Variants in PACS1 observed in about 807,000 individuals in gnomAD.
PACS1 encodes phosphofurin acidic cluster sorting protein 1.
A neutral mutation model predicts 115.0 loss-of-function variants in PACS1; 24 were observed. The observed-to-expected ratio is 0.21, with a 90% CI of 0.15 to 0.29. PACS1 has a LOEUF of 0.29. Ranked by LOEUF, PACS1 falls within the 10% of genes least tolerant of loss-of-function variation. PACS1 has a pLI of 1.00. For synonymous variants in PACS1, 453 were observed against 504.5 expected (o/e 0.90, Z 1.37); for missense variants, 838 against 1,251.2 (o/e 0.67, Z 4.98).
chr11:66,142,878 C>A (rs1859029462), intron 1 of PACS1, among the ~76,000 whole-genome samples: 1 of 151,336 alleles, frequency 6.6e-6, no homozygotes, highest in Non-Finnish European at 1.5e-5. Flanking sequence ...ACATTGTCCC[C>A]TTACTTGTTA....
chr11:66,128,009 A>G (rs1858619260), intron 1 of PACS1, among the ~76,000 whole-genome samples: 1 of 152,202 alleles, frequency 6.6e-6, no homozygotes, highest in African/African-American at 2.4e-5. Context: ...TGGGGATAGA[A>G]TCAGCAAATT....
chr11:66,190,839 G>C (rs1277000626), intron 1 of PACS1, among the ~76,000 whole-genome samples: 1 of 152,156 alleles, frequency 6.6e-6, no homozygotes, highest in African/African-American at 2.4e-5. Flanking sequence ...CATGAACCCA[G>C]ATGGCTCCAG....
At chr11:66,237,943 C>A (rs1297084397) in intron 19 of PACS1, 1 of 392,212 alleles carries the variant, frequency 2.5e-6, no homozygotes, top group South Asian at 1.1e-4. Flanking sequence ...CAGGCCTGTG[C>A]GGTAGATTTC....
At chr11:66,167,136 A>T (rs953741817) in intron 1 of PACS1, among the ~76,000 whole-genome samples, 5 of 150,116 alleles carry the variant, frequency 3.3e-5, no homozygotes, top group African/African-American at 5.1e-5. Flanking sequence ...CATTTCCCCG[A>T]TTCCTAATGA....
intron 1 of PACS1, among the ~76,000 whole-genome samples, chr11:66,114,739 A>G (rs1013337138): frequency 3.3e-5 from 5 of 152,200 alleles, no homozygotes; most frequent in African/African-American, 1.2e-4. Context: ...ACTTTGTTTC[A>G]GAAGAAAAAG....
chr11:66,076,459 G>A (rs1326274639), intron 1 of PACS1, among the ~76,000 whole-genome samples: 1 of 151,862 alleles, frequency 6.6e-6, no homozygotes, highest in South Asian at 2.1e-4. Flanking sequence ...GGAGTGCAAT[G>A]GTGCGATCTC....
intron 1 of PACS1, among the ~76,000 whole-genome samples, chr11:66,158,083 C>T (rs927238365): frequency 5.3e-5 from 8 of 152,198 alleles, no homozygotes; most frequent in African/African-American, 1.4e-4. Flanking sequence ...CTTCTCACCT[C>T]AGCCTCCCGA....
intron 1 of PACS1, among the ~76,000 whole-genome samples, chr11:66,171,523 CTTCT>C (rs1429374239): frequency 6.7e-6 from 1 of 149,604 alleles, no homozygotes; most frequent in Non-Finnish European, 1.5e-5. Context: ...ACTCTTTAGC[CTTCT>C]TTGTCTCCTT....
At chr11:66,177,674 G>A (rs1311567536) in intron 1 of PACS1, among the ~76,000 whole-genome samples, 5 of 151,918 alleles carry the variant, frequency 3.3e-5, no homozygotes, top group Admixed American at 2.0e-4. Flanking sequence ...GTAATGGTGC[G>A]ATCATAGCTC....
intron 1 of PACS1, among the ~76,000 whole-genome samples, chr11:66,153,208 A>G (rs1024956396): frequency 6.6e-6 from 1 of 152,146 alleles, no homozygotes; most frequent in African/African-American, 2.4e-5. Context: ...ATGGTGCACT[A>G]TAGCCTTGAA....
At chr11:66,151,656 A>G (rs1054574616) in intron 1 of PACS1, among the ~76,000 whole-genome samples, 7 of 152,246 alleles carry the variant, frequency 4.6e-5, no homozygotes, top group South Asian at 4.1e-4. Context: ...CAGAGTTGCT[A>G]TAACATCTTA....
intron 1 of PACS1, among the ~76,000 whole-genome samples, chr11:66,172,974 CAAA>C (rs10684950): frequency 2.3e-5 from 2 of 88,340 alleles, no homozygotes. Flanking sequence ...GACTCTGTCT[CAAA>C]AAAAAAAAAA....
intron 21 of PACS1, 149 bp downstream of exon 21, chr11:66,239,426 A>T: frequency 1.1e-6 from 1 of 950,772 alleles, no homozygotes; most frequent in Non-Finnish European, 1.5e-6. Context: ...AGGCTGAGGC[A>T]GGAGGATTGC....
chr11:66,073,636 C>A (rs947379865), intron 1 of PACS1, among the ~76,000 whole-genome samples: 25 of 152,190 alleles, frequency 1.6e-4, no homozygotes, highest in African/African-American at 5.5e-4. Context: ...TATTTAACAT[C>A]TGTTAAATTC....
At chr11:66,082,586 G>A (rs1339782096) in intron 1 of PACS1, among the ~76,000 whole-genome samples, 1 of 152,222 alleles carries the variant, frequency 6.6e-6, no homozygotes, top group African/African-American at 2.4e-5. Flanking sequence ...ATCAGGCCGG[G>A]CGCTGTGGCT....
At position 66,221,396 on chromosome 11, in the gene PACS1, C is replaced by T. The variant is rs1226577620; in HGVS notation, c.1293+149C>T. ...GGCATGGTGGATCACAACTGTAATC[C>T]TGGCACTTTGGGAGGTGGAGTCGGG... On this transcript the variant is annotated intron_variant, in intron 10 of 23. Transcript: ENST00000320580. 1.0e-5 allele frequency: 7 copies of T among 679,590 alleles called. No homozygotes were observed. In the African/African-American group the frequency reaches 1.1e-4, roughly 10 times the overall value. The allele number at this position is 679,590 out of a possible 1,614,324, so 42.1% of individuals were successfully genotyped here.
chr11:66,214,625 T>C (rs1258289866), intron 4 of PACS1, among the ~76,000 whole-genome samples: 1 of 140,582 alleles, frequency 7.1e-6, no homozygotes. Context: ...CTTTTCTTTT[T>C]TTTTTTTTTT....
intron 2 of PACS1, among the ~76,000 whole-genome samples, chr11:66,209,723 T>TA (rs1490649651): frequency 6.6e-6 from 1 of 151,934 alleles, no homozygotes; most frequent in Non-Finnish European, 1.5e-5. Context: ...CAGCACATGG[T>TA]GAAACCCTGT....
chr11:66,138,169 G>A (rs1345579441), intron 1 of PACS1, among the ~76,000 whole-genome samples: 1 of 151,950 alleles, frequency 6.6e-6, no homozygotes, highest in African/African-American at 2.4e-5. Flanking sequence ...ATGGCTCACT[G>A]CAGCCTCAAA....
Sources: allele counts gnomAD v4.1 joint callset (sites outside exome capture counted in the v4.1 genomes callset), GRCh38; gene constraint gnomAD v4.1.1; transcripts MANE v1.5; gene names NCBI Gene and HGNC (gene_info 2026-07-23, HGNC 2026-07-21).